The following EPB41L2 variants were observed in gnomAD, a reference collection of about 807,000 sequenced individuals.
EPB41L2 encodes the protein erythrocyte membrane protein band 4.1 like 2, also known as band 4.1-like protein 2.
Under a neutral mutation model 113.0 loss-of-function variants are expected in EPB41L2, and 43 were observed. The ratio of observed to expected loss-of-function variants is 0.38; its 90% CI spans 0.30 to 0.49. The LOEUF is 0.49. Among genes scored for constraint, EPB41L2 ranks in the 20% least tolerant of loss-of-function variants. The pLI is 0.95. For missense variants in EPB41L2, 1,147 were observed against 1,223.4 expected (o/e 0.94, Z 0.93); for synonymous variants, 442 against 436.7 (o/e 1.01, Z -0.15).
chr6:130,988,739 T>TA (rs1013876233), intron 1 of EPB41L2, among the ~76,000 whole-genome samples: 45 of 152,182 alleles, frequency 3.0e-4, no homozygotes, highest in African/African-American at 1.1e-3. Context: ...TAAACTAATC[T>TA]ACCTGCTACA....
intron 1 of EPB41L2, among the ~76,000 whole-genome samples, chr6:131,040,591 G>A (rs1283726483): frequency 6.6e-6 from 1 of 152,100 alleles, no homozygotes; most frequent in Non-Finnish European, 1.5e-5. Flanking sequence ...TGTCAAAGAC[G>A]TCAAGGAACT....
chr6:130,957,229 C>A (rs1020137510), intron 1 of EPB41L2, among the ~76,000 whole-genome samples: 1 of 152,112 alleles, frequency 6.6e-6, no homozygotes, highest in Non-Finnish European at 1.5e-5. Flanking sequence ...ATAATCCAAA[C>A]CAAATGAGGA....
At chr6:131,043,131 T>C (rs1794765180) in intron 1 of EPB41L2, among the ~76,000 whole-genome samples, 1 of 151,996 alleles carries the variant, frequency 6.6e-6, no homozygotes, top group Admixed American at 6.6e-5. Context: ...AAACCCTGTC[T>C]CTACTAAGAA....
chr6:130,892,092 C>T (rs1252049192), intron 10 of EPB41L2, among the ~76,000 whole-genome samples: 1 of 152,116 alleles, frequency 6.6e-6, no homozygotes, highest in African/African-American at 2.4e-5. Flanking sequence ...AACTGGAGTC[C>T]ATGGTACATT....
At chr6:130,928,837 C>T (rs1404973350) in intron 3 of EPB41L2, among the ~76,000 whole-genome samples, 1 of 152,182 alleles carries the variant, frequency 6.6e-6, no homozygotes, top group African/African-American at 2.4e-5. Flanking sequence ...TTAAGTCTCC[C>T]TGTCTGTAAA....
Position 130,979,768 on chromosome 6 carries a change from C to T in EPB41L2, c.-14-23269G>A, listed in dbSNP as rs1288124255. On this transcript the variant is annotated intron_variant, in intron 1 of 19. Transcript: ENST00000337057. ...CAGAAAGGAAGGAAGGAAAAGCTTCCACTTTGAATACATCTGGGCTGAAAA... is the reference window on the plus strand; with the variant it reads ...CAGAAAGGAAGGAAGGAAAAGCTTCTACTTTGAATACATCTGGGCTGAAAA... Among the ~76,000 whole-genome samples the T allele has an allele frequency of 2.6e-5, 4 of 152,078 alleles. No individual in the cohort carries two copies. In the East Asian group the frequency reaches 7.7e-4, roughly 29 times the overall value.
rs548290895 is a variant in EPB41L2 at position 130,873,759 on chromosome 6, C to A, written c.2044-3633G>T. 1.5e-3 allele frequency among the ~76,000 whole-genome samples: 223 copies of A among 148,926 alleles called. 2 individuals are homozygous for A. Among genetic ancestry groups the A allele is most frequent in the African/African-American group, 5.2e-3 (207 of 39,748 alleles). Reference sequence around the variant, plus strand: ...GGGAATACAGGCGTGAGCCACCGCACCCAGTCACTATTCAGAAATCTTAAA... The same window carrying A: ...GGGAATACAGGCGTGAGCCACCGCAACCAGTCACTATTCAGAAATCTTAAA... On this transcript the variant is annotated intron_variant, in intron 14 of 19. Transcript: ENST00000337057.
intron 10 of EPB41L2, among the ~76,000 whole-genome samples, chr6:130,891,998 G>C (rs4897472): frequency 2.0e-5 from 3 of 151,956 alleles, no homozygotes; most frequent in African/African-American, 7.3e-5. Flanking sequence ...TTTGTAAGCA[G>C]CGTTATGCAA....
At chr6:131,026,599 C>T (rs895407332) in intron 1 of EPB41L2, among the ~76,000 whole-genome samples, 1 of 152,206 alleles carries the variant, frequency 6.6e-6, no homozygotes, top group African/African-American at 2.4e-5. Context: ...GTAAATGTCA[C>T]TTTATGAGGG....
At chr6:130,926,124 T>C (rs1334193401) in intron 4 of EPB41L2, among the ~76,000 whole-genome samples, 1 of 152,200 alleles carries the variant, frequency 6.6e-6, no homozygotes, top group Non-Finnish European at 1.5e-5. Flanking sequence ...GTGTTCTTGG[T>C]ATCCTCAGAC....
At chr6:131,010,398 A>C (rs2128724469) in intron 1 of EPB41L2, among the ~76,000 whole-genome samples, 1 of 150,714 alleles carries the variant, frequency 6.6e-6, no homozygotes, top group African/African-American at 2.4e-5. Context: ...TCCTGATAGA[A>C]ATAAAGAATT....
At chr6:130,945,071 T>G (rs1812339239) in intron 3 of EPB41L2, among the ~76,000 whole-genome samples, 1 of 152,196 alleles carries the variant, frequency 6.6e-6, no homozygotes, top group Non-Finnish European at 1.5e-5. Context: ...ACATAATACA[T>G]GCCCATTAAA....
rs1784116669 is a variant in EPB41L2 at position 130,867,393 on chromosome 6, G to A, written c.2730+66C>T. 3 of 1,559,036 alleles carry A rather than the reference G, an allele frequency of 1.9e-6. No individual in the cohort carries two copies. The East Asian group carries it at 6.8e-5, about 35-fold the overall frequency. ...GAAACATGTAAACTAAGAGAAGAAA[G>A]AATGAAAACATAGATACACTAAGGG... On this transcript the variant is annotated intron_variant, in intron 16 of 19. Transcript: ENST00000337057.
At chr6:131,001,239 A>G (rs984468061) in intron 1 of EPB41L2, among the ~76,000 whole-genome samples, 1 of 152,160 alleles carries the variant, frequency 6.6e-6, no homozygotes, top group Non-Finnish European at 1.5e-5. Flanking sequence ...TGACACTTCC[A>G]TGGTGAACAA....
intron 1 of EPB41L2, among the ~76,000 whole-genome samples, chr6:131,013,084 A>G (rs2128727809): frequency 6.6e-6 from 1 of 152,362 alleles, no homozygotes; most frequent in Non-Finnish European, 1.5e-5. Context: ...CCAATGTAAG[A>G]ACATGAGCAC....
rs143778687 is a variant in EPB41L2, at chr6:131,025,928, C to T, written c.-15+37227G>A. On this transcript the variant is annotated intron_variant, in intron 1 of 19. Coordinates refer to ENST00000337057, the MANE Select transcript of EPB41L2 (RefSeq NM_001431.4). ...TTATCCTTTAAGAGTATACAAAAGT[C>T]ATCACAAAGTGGATCAAAGCAAAGC... Among the ~76,000 whole-genome samples, 517 of 152,240 alleles carry T rather than the reference C, an allele frequency of 3.4e-3. 9 individuals carry two copies. Among genetic ancestry groups the T allele is most frequent in the Admixed American group, 0.026 (403 of 15,286 alleles).
At chr6:130,935,290 A>G (rs1808409592) in intron 3 of EPB41L2, among the ~76,000 whole-genome samples, 1 of 152,194 alleles carries the variant, frequency 6.6e-6, no homozygotes, top group South Asian at 2.1e-4. Context: ...ATAAAATCAC[A>G]TAGATACTTT....
intron 3 of EPB41L2, among the ~76,000 whole-genome samples, chr6:130,937,690 G>A (rs1381414186): frequency 6.6e-6 from 1 of 152,126 alleles, no homozygotes; most frequent in Admixed American, 6.5e-5. Flanking sequence ...GCAGTGGCAG[G>A]TGGCTGTAAT....
At chr6:130,967,966 G>A (rs1584074254) in intron 1 of EPB41L2, among the ~76,000 whole-genome samples, 2 of 152,078 alleles carry the variant, frequency 1.3e-5, no homozygotes, top group South Asian at 2.1e-4. Context: ...ACCAGAGCAC[G>A]GCCAATACCA....
Sources: allele counts gnomAD v4.1 joint callset (sites outside exome capture counted in the v4.1 genomes callset), GRCh38; gene constraint gnomAD v4.1.1; transcripts MANE v1.5; gene names NCBI Gene and HGNC (gene_info 2026-07-23, HGNC 2026-07-21).